Variants in GALNT5 observed in about 807,000 individuals in gnomAD.
GALNT5 encodes the protein UDP-GalNAc:polypeptide N-acetylgalactosaminyltransferase 5.
A neutral mutation model predicts 85.4 loss-of-function variants in GALNT5; 72 were observed. The observed-to-expected ratio is 0.84, with a 90% CI of 0.70 to 1.03. The LOEUF is 1.03. Among genes scored for constraint, GALNT5 ranks in the 50% least tolerant of loss-of-function variants. The probability of loss-of-function intolerance (pLI) is 0.00; values close to 1 mark genes in which losing one functional copy is unlikely to be tolerated. For missense variants in GALNT5, 1,137 were observed against 1,135.5 expected (o/e 1.00, Z -0.02); for synonymous variants, 404 against 397.0 (o/e 1.02, Z -0.21).
chr2:157,290,073 CA>C lies in GALNT5; in HGVS notation c.1741+3951del, dbSNP rs1373726727. 6.0e-3 allele frequency among the ~76,000 whole-genome samples: 527 copies of C among 87,972 alleles called. 13 individuals are homozygous for C. The East Asian group carries it at 0.088, about 15-fold the overall frequency. The allele number at this position is 87,972 out of a possible 152,430, so 57.7% of individuals were successfully genotyped here. A position where few individuals can be genotyped will look rare whatever the true frequency, so the allele number is the denominator to read the frequency against. ...GGGCAACAAGAGCAAAATTCTGTCT[CA>C]AAAAAAAAAAATGTATATATATATA... On this transcript the variant is annotated intron_variant, in intron 3 of 9. Transcript: ENST00000259056.
At chr2:157,269,165 A>ACT (rs1682526170) in intron 1 of GALNT5, among the ~76,000 whole-genome samples, 2 of 152,224 alleles carry the variant, frequency 1.3e-5, no homozygotes, top group Admixed American at 1.3e-4. Context: ...AGTATGAAAG[A>ACT]CTAGAGTAAG....
At chr2:157,279,391 TTGTC>T (rs1281753297) in intron 1 of GALNT5, among the ~76,000 whole-genome samples, 2 of 152,234 alleles carry the variant, frequency 1.3e-5, no homozygotes, top group Non-Finnish European at 2.9e-5. Context: ...TCTGCAGAAG[TTGTC>T]TGCTGCCTTT....
Position 157,258,456 on chromosome 2 carries a change from C to A in GALNT5, c.374C>A (p.Pro125Gln). 1.2e-6 allele frequency: 2 copies of A among 1,605,404 alleles called. No individual in the cohort carries two copies. Among genetic ancestry groups the A allele is most frequent in the Admixed American group, 1.7e-5 (1 of 58,512 alleles). ...GCCCTGGGAAGGGGCAAGGTTGTGC[C>A]GTTGTGGCATCCTGCACATCTGCAG... ...QNALGRGKVV[P>Q]LWHPAHLQTL... The change falls in exon 1 of 10, where the codon CCG becomes CAG. Residue 125 changes from proline (P) to glutamine (Q), a missense_variant. Coordinates refer to ENST00000259056, the MANE Select transcript of GALNT5 (RefSeq NM_014568.3).
intron 1 of GALNT5, among the ~76,000 whole-genome samples, chr2:157,265,454 A>C (rs1373173385): frequency 1.3e-5 from 2 of 152,234 alleles, no homozygotes; most frequent in Admixed American, 1.3e-4. Context: ...ACAGTGCCTA[A>C]TTAATAGAAA....
chr2:157,286,819 T>A (rs1429371016), intron 3 of GALNT5, among the ~76,000 whole-genome samples: 1 of 152,016 alleles, frequency 6.6e-6, no homozygotes, highest in Non-Finnish European at 1.5e-5. Context: ...CTAATTAAGT[T>A]TCATACTCTG....
intron 3 of GALNT5, among the ~76,000 whole-genome samples, chr2:157,287,327 CA>C (rs1156940369): frequency 2.0e-5 from 3 of 152,102 alleles, no homozygotes; most frequent in Non-Finnish European, 4.4e-5. Flanking sequence ...TTCTATAATT[CA>C]TTCTTTTTTA....
chr2:157,293,655 A>C (rs981656181), intron 3 of GALNT5, among the ~76,000 whole-genome samples: 1 of 152,220 alleles, frequency 6.6e-6, no homozygotes, highest in African/African-American at 2.4e-5. Context: ...AGATGGTTTC[A>C]CTAAACAGAA....
chr2:157,305,914 G>T (rs551131062), intron 8 of GALNT5, 85 bp downstream of exon 8: 1 of 757,994 alleles, frequency 1.3e-6, no homozygotes, highest in Non-Finnish European at 2.3e-6. Context: ...ATTCATCTTT[G>T]CCCAACAGAA....
chr2:157,273,685 C>G (rs1251583834), intron 1 of GALNT5, among the ~76,000 whole-genome samples: 1 of 108,536 alleles, frequency 9.2e-6, no homozygotes. Flanking sequence ...TCTTGTTGCC[C>G]AGGCTGGAGT....
chr2:157,284,483 C>G (rs1682928207), intron 2 of GALNT5, 35 bp downstream of exon 2: 4 of 1,580,318 alleles, frequency 2.5e-6, no homozygotes, highest in Non-Finnish European at 3.5e-6. Flanking sequence ...CTTGAAATTT[C>G]AAAGTTTGGC....
chr2:157,272,535 C>A (rs1574015259), intron 1 of GALNT5, among the ~76,000 whole-genome samples: 1 of 152,132 alleles, frequency 6.6e-6, no homozygotes, highest in African/African-American at 2.4e-5. Flanking sequence ...TCCTTCCTTA[C>A]CCTCTCTAGT....
intron 5 of GALNT5, among the ~76,000 whole-genome samples, chr2:157,298,142 T>G (rs902393733): frequency 2.4e-4 from 37 of 152,058 alleles, no homozygotes; most frequent in African/African-American, 8.7e-4. Context: ...GCAAGAAGCT[T>G]AAGGCCAATT....
chr2:157,287,769 A>T (rs759646009), intron 3 of GALNT5, among the ~76,000 whole-genome samples: 6 of 152,186 alleles, frequency 3.9e-5, no homozygotes, highest in Non-Finnish European at 8.8e-5. Context: ...TATTCTAAAA[A>T]CAACATCAAA....
chr2:157,296,660 T>C, intron 5 of GALNT5, 147 bp downstream of exon 5: 1 of 638,984 alleles, frequency 1.6e-6, no homozygotes, highest in Non-Finnish European at 2.6e-6. Context: ...GCAAACACAG[T>C]GTTCTTGAGA....
intron 7 of GALNT5, 129 bp from the exon 8 acceptor site, chr2:157,305,620 C>T (rs920609282): frequency 3.2e-6 from 2 of 617,740 alleles, no homozygotes; most frequent in Non-Finnish European, 5.8e-6. Flanking sequence ...CTGGATAGTG[C>T]TAAGTAATGC....
rs756540549 is a variant in GALNT5, at chr2:157,258,437, G to C, written c.355G>C (p.Gly119Arg). ...QRERKMQNALGRGKVVPLWHP... is the reference protein window; with the variant it reads ...QRERKMQNALRRGKVVPLWHP... Reference sequence around the variant, plus strand: ...GGAAAGAAAAATGCAGAATGCCCTGGGAAGGGGCAAGGTTGTGCCGTTGTG... The same window carrying C: ...GGAAAGAAAAATGCAGAATGCCCTGCGAAGGGGCAAGGTTGTGCCGTTGTG... The change falls in exon 1 of 10, where the codon GGA becomes CGA. Residue 119 changes from glycine to arginine, a missense_variant. Coordinates refer to ENST00000259056, the MANE Select transcript of GALNT5 (RefSeq NM_014568.3). 9.3e-6 allele frequency: 15 copies of C among 1,608,896 alleles called. No homozygotes were observed. The highest frequency in any genetic ancestry group is 1.2e-5 in the Non-Finnish European group (14 of 1,178,266).
chr2:157,300,721 G>A lies in GALNT5; in HGVS notation c.2161G>A (p.Val721Met). 6.2e-7 allele frequency: 1 copy of A among 1,614,010 alleles called. No individual in the cohort carries two copies. Among genetic ancestry groups the A allele is most frequent in the South Asian group, 1.1e-5 (1 of 91,076 alleles). The stretch of plus-strand genomic sequence containing the variant: ...AATTGAGATCATTCCCTGCTCCCGA[G>A]TGGGCCATATATTCAGAAATGACAA... ...GEIEIIPCSR[V>M]GHIFRNDNPY... The change falls in exon 7 of 10, where the codon GTG (valine) becomes ATG (methionine). Residue 721 changes from valine (V) to methionine (M), a missense_variant. Val to Met is a conservative substitution (Grantham distance 21, BLOSUM62 1). Transcript: ENST00000259056.
rs1683562026 is a variant in GALNT5 at position 157,311,204 on chromosome 2, C to T, written c.2683-4C>T. On this transcript the variant is annotated splice_region_variant and splice_polypyrimidine_tract_variant and intron_variant, in intron 9 of 9. Coordinates refer to ENST00000259056, the MANE Select transcript of GALNT5 (RefSeq NM_014568.3). ...GCTCATTCCCAGCTCTTCTTTCTCT[C>T]CAGGTGAATCACATTGTTTTTGAAA... 6.2e-7 allele frequency: 1 copy of T among 1,606,450 alleles called. No individual in the cohort carries two copies. Among genetic ancestry groups the T allele is most frequent in the Non-Finnish European group, 8.5e-7 (1 of 1,175,368 alleles).
chr2:157,311,239 AATT>A lies in GALNT5; in HGVS notation c.2720_2722del (p.Leu907del). On this transcript the variant is annotated inframe_deletion, in exon 10 of 10. Transcript: ENST00000259056. ...CACATTGTTTTTGAAAACAATCAGC[AATT>A]ATTATGCTTGGAAGGAAATTTTTCT... 1 of 1,610,782 alleles carries A rather than the reference AATT, an allele frequency of 6.2e-7. No individual in the cohort carries two copies. Among genetic ancestry groups the A allele is most frequent in the Non-Finnish European group, 8.5e-7 (1 of 1,177,494 alleles).
Sources: allele counts gnomAD v4.1 joint callset (sites outside exome capture counted in the v4.1 genomes callset), GRCh38; gene constraint gnomAD v4.1.1; transcripts MANE v1.5; gene names NCBI Gene and HGNC (gene_info 2026-07-23, HGNC 2026-07-21).